SPATA16: variants seen among roughly 807,000 people sequenced by gnomAD.
SPATA16 encodes the protein spermatogenesis associated 16.
SPATA16 carries 36 observed loss-of-function variants against 63.3 expected under a neutral mutation model. That is an observed-to-expected ratio of 0.57 (90% CI 0.44 to 0.75). The LOEUF (loss-of-function observed/expected upper bound fraction) is 0.75, where lower values mean the gene tolerates loss of function less well. Ranked by LOEUF, SPATA16 falls within the 30% of genes least tolerant of loss-of-function variation. SPATA16 has a pLI of 0.00. For missense variants in SPATA16, 646 were observed against 679.3 expected (o/e 0.95, Z 0.54); for synonymous variants, 203 against 216.7 (o/e 0.94, Z 0.56).
chr3:172,957,296 T>C (rs2108235155), intron 5 of SPATA16, among the ~76,000 whole-genome samples: 1 of 152,274 alleles, frequency 6.6e-6, no homozygotes, highest in Non-Finnish European at 1.5e-5. Context: ...TTCCAATACC[T>C]GGGAAAGCCT....
chr3:172,982,806 CTG>C (rs1376417804), intron 4 of SPATA16, among the ~76,000 whole-genome samples: 2 of 152,166 alleles, frequency 1.3e-5, no homozygotes, highest in African/African-American at 4.8e-5. Flanking sequence ...ATTTCTAAGA[CTG>C]TGCAATTCTA....
intron 3 of SPATA16, among the ~76,000 whole-genome samples, chr3:173,042,830 T>C (rs1735874431): frequency 6.6e-6 from 1 of 152,138 alleles, no homozygotes; most frequent in African/African-American, 2.4e-5. Flanking sequence ...GTTTTCTAGG[T>C]GTCTTAGTCT....
At chr3:173,038,946 T>A (rs1735777503) in intron 3 of SPATA16, among the ~76,000 whole-genome samples, 1 of 152,136 alleles carries the variant, frequency 6.6e-6, no homozygotes, top group African/African-American at 2.4e-5. Flanking sequence ...TAAGGGCAAT[T>A]ATGTGACTTG....
chr3:173,011,238 G>A (rs964304848), intron 4 of SPATA16, among the ~76,000 whole-genome samples: 1 of 152,110 alleles, frequency 6.6e-6, no homozygotes, highest in Non-Finnish European at 1.5e-5. Context: ...CATTCCTGGG[G>A]TACAAGGTTG....
At chr3:172,933,382 C>T (rs1331521694) in intron 6 of SPATA16, among the ~76,000 whole-genome samples, 1 of 152,136 alleles carries the variant, frequency 6.6e-6, no homozygotes, top group African/African-American at 2.4e-5. Context: ...CCATTTCCCT[C>T]GGTCCCTGTT....
chr3:173,131,737 G>A (rs934529579), intron 1 of SPATA16, among the ~76,000 whole-genome samples: 1 of 152,140 alleles, frequency 6.6e-6, no homozygotes, highest in African/African-American at 2.4e-5. Flanking sequence ...GAGAACCAGG[G>A]TAGACTACAG....
chr3:172,927,067 T>G (rs1466620173), intron 6 of SPATA16, among the ~76,000 whole-genome samples: 1 of 151,984 alleles, frequency 6.6e-6, no homozygotes, highest in Non-Finnish European at 1.5e-5. Context: ...ACCACGAGTG[T>G]TTTTTTTAAC....
intron 2 of SPATA16, among the ~76,000 whole-genome samples, chr3:173,097,535 T>C (rs1006606520): frequency 6.6e-6 from 1 of 152,144 alleles, no homozygotes; most frequent in African/African-American, 2.4e-5. Context: ...AAGTGCTTCA[T>C]TAAAAGGAAA....
At chr3:173,038,593 C>T (rs1047988082) in intron 3 of SPATA16, among the ~76,000 whole-genome samples, 2 of 152,000 alleles carry the variant, frequency 1.3e-5, no homozygotes, top group Non-Finnish European at 2.9e-5. Context: ...TCTTTTTGCA[C>T]GTAGAGGCAA....
In SPATA16 at chr3:173,117,629, C is replaced by A. The variant is rs748886009; in HGVS notation, c.103G>T (p.Ala35Ser). The A allele has an allele frequency of 2.2e-5, 35 of 1,613,860 alleles. No individual in the cohort carries two copies. The South Asian group carries it at 3.8e-4, about 18-fold the overall frequency. ...INTSKKMSTL[A>S]HPPNILEMSQ... ...ATTTCCAGGATGTTAGGTGGGTGCG[C>A]TAAGGTGGACATTTTCTTGCTTGTG... The change falls in exon 2 of 11, where the codon GCG becomes TCG. Residue 35 changes from alanine (A) to serine (S), a missense_variant. Physicochemically the swap from Ala to Ser is moderately conservative, Grantham distance 99 (BLOSUM62 1). Transcript: ENST00000351008.
intron 4 of SPATA16, among the ~76,000 whole-genome samples, chr3:172,993,474 A>G (rs958659205): frequency 6.6e-6 from 1 of 152,074 alleles, no homozygotes; most frequent in South Asian, 2.1e-4. Context: ...GCCAAGGAAG[A>G]GTTTGTTGGA....
At chr3:173,073,114 C>T (rs1201070986) in intron 2 of SPATA16, among the ~76,000 whole-genome samples, 4 of 152,258 alleles carry the variant, frequency 2.6e-5, no homozygotes, top group Middle Eastern at 3.4e-3. Context: ...TTTAGGGTAT[C>T]TGGTAGAAGA....
chr3:173,067,272 A>G (rs1420013907), intron 2 of SPATA16, among the ~76,000 whole-genome samples: 1 of 152,236 alleles, frequency 6.6e-6, no homozygotes, highest in Admixed American at 6.5e-5. Context: ...CTACATAACC[A>G]TAAAAAAGAA....
chr3:173,034,581 C>T (rs548546551), intron 3 of SPATA16, among the ~76,000 whole-genome samples: 18 of 152,244 alleles, frequency 1.2e-4, no homozygotes, highest in East Asian at 9.6e-4. Context: ...GTTATTCCTA[C>T]GCTTTATGAC....
At chr3:172,898,661 C>A (rs1391796920) in intron 10 of SPATA16, among the ~76,000 whole-genome samples, 1 of 151,212 alleles carries the variant, frequency 6.6e-6, no homozygotes, top group Non-Finnish European at 1.5e-5. Context: ...GTTCAAAGAA[C>A]CAGCTCCTTG....
intron 4 of SPATA16, among the ~76,000 whole-genome samples, chr3:172,984,160 A>G (rs974627847): frequency 2.6e-5 from 4 of 152,166 alleles, no homozygotes; most frequent in Non-Finnish European, 1.5e-5. Flanking sequence ...TCTTGGGTAC[A>G]CAAGCACATT....
chr3:173,123,194 C>G (rs1738129609), intron 1 of SPATA16, among the ~76,000 whole-genome samples: 1 of 152,208 alleles, frequency 6.6e-6, no homozygotes, highest in Admixed American at 6.5e-5. Flanking sequence ...TAACAACCAA[C>G]AGGTACTCTC....
At chr3:173,004,308 G>A (rs1453089828) in intron 4 of SPATA16, among the ~76,000 whole-genome samples, 1 of 151,992 alleles carries the variant, frequency 6.6e-6, no homozygotes, top group Admixed American at 6.6e-5. Context: ...ATACAGTCTT[G>A]CTCTATGTAA....
At chr3:172,949,554 A>T (rs1350297802) in intron 6 of SPATA16, among the ~76,000 whole-genome samples, 1 of 152,200 alleles carries the variant, frequency 6.6e-6, no homozygotes, top group Non-Finnish European at 1.5e-5. Context: ...GATTTATTAG[A>T]TGGCAGCACC....
Sources: allele counts gnomAD v4.1 joint callset (sites outside exome capture counted in the v4.1 genomes callset), GRCh38; gene constraint gnomAD v4.1.1; transcripts MANE v1.5; gene names NCBI Gene and HGNC (gene_info 2026-07-23, HGNC 2026-07-21).